Variants in ST6GALNAC3 observed in about 807,000 individuals in gnomAD.
ST6GALNAC3 encodes the protein ST6 N-acetylgalactosaminide alpha-2,6-sialyltransferase 3.
ST6GALNAC3 carries 25 observed loss-of-function variants against 32.7 expected under a neutral mutation model. The ratio of observed to expected loss-of-function variants is 0.76; its 90% CI spans 0.56 to 1.07. The LOEUF is 1.07. ST6GALNAC3 is among the 50% of genes least tolerant of loss of function. ST6GALNAC3 has a pLI of 0.00. For synonymous variants in ST6GALNAC3, 129 were observed against 133.1 expected (o/e 0.97, Z 0.21); for missense variants, 355 against 382.4 (o/e 0.93, Z 0.60).
chr1:76,245,352 A>C (rs867772563), intron 1 of ST6GALNAC3, among the ~76,000 whole-genome samples: 1 of 151,784 alleles, frequency 6.6e-6, no homozygotes, highest in African/African-American at 2.4e-5. Context: ...CTAGTGGTCT[A>C]TTTTTGTTAA....
At chr1:76,504,487 A>G (rs1661355648) in intron 3 of ST6GALNAC3, among the ~76,000 whole-genome samples, 1 of 152,158 alleles carries the variant, frequency 6.6e-6, no homozygotes, top group Non-Finnish European at 1.5e-5. Flanking sequence ...TTGAATAAGT[A>G]TCTGGGGAAT....
chr1:76,327,788 C>A (rs924819110), intron 2 of ST6GALNAC3, among the ~76,000 whole-genome samples: 5 of 151,986 alleles, frequency 3.3e-5, no homozygotes, highest in African/African-American at 9.7e-5. Flanking sequence ...CAGGGTTTCA[C>A]CATGTTGGCC....
At chr1:76,610,354 G>A (rs191485258) in intron 3 of ST6GALNAC3, among the ~76,000 whole-genome samples, 14 of 152,174 alleles carry the variant, frequency 9.2e-5, no homozygotes, top group South Asian at 4.1e-4. Context: ...AACGGTTGAC[G>A]GTTCAGACAG....
At chr1:76,131,933 G>C (rs904954723) in intron 1 of ST6GALNAC3, among the ~76,000 whole-genome samples, 15 of 152,056 alleles carry the variant, frequency 9.9e-5, no homozygotes, top group Non-Finnish European at 1.5e-4. Flanking sequence ...TGATGCAAGG[G>C]GTACCATGAT....
chr1:76,223,245 A>G (rs1430685804), intron 1 of ST6GALNAC3, among the ~76,000 whole-genome samples: 1 of 152,200 alleles, frequency 6.6e-6, no homozygotes, highest in Non-Finnish European at 1.5e-5. Context: ...TTGCAGCAAC[A>G]TGGATGGATC....
intron 3 of ST6GALNAC3, among the ~76,000 whole-genome samples, chr1:76,434,784 G>GTTTTTTTTTTTT (rs1211703628): frequency 1.1e-4 from 8 of 72,212 alleles, no homozygotes; most frequent in Admixed American, 1.9e-4. Flanking sequence ...TTTTTTCTCT[G>GTTTTTTTTTTTT]TTTTTTTTTT....
chr1:76,439,118 G>T (rs1023117726), intron 3 of ST6GALNAC3, among the ~76,000 whole-genome samples: 1 of 152,196 alleles, frequency 6.6e-6, no homozygotes, highest in East Asian at 1.9e-4. Context: ...ATGTTGAGAT[G>T]CTGTCTTTGA....
rs75882068 is a variant in ST6GALNAC3 at position 76,472,695 on chromosome 1, A to G, written c.623+60278A>G. Reference sequence around the variant, plus strand: ...ATGAGTAGTAAATGAGTTCACGTGGATAAGATGCTTAGAACAATGCCAGTT... The same window carrying G: ...ATGAGTAGTAAATGAGTTCACGTGGGTAAGATGCTTAGAACAATGCCAGTT... On this transcript the variant is annotated intron_variant, in intron 3 of 4. Transcript: ENST00000328299. Among the ~76,000 whole-genome samples, 77 of 152,282 alleles carry G rather than the reference A, an allele frequency of 5.1e-4. No homozygotes were observed. In the East Asian group the frequency reaches 0.013, roughly 26 times the overall value.
At chr1:76,257,507 G>T (rs926294043) in intron 1 of ST6GALNAC3, among the ~76,000 whole-genome samples, 1 of 152,108 alleles carries the variant, frequency 6.6e-6, no homozygotes, top group South Asian at 2.1e-4. Flanking sequence ...TCATGGTCGG[G>T]TTTGAAAAGC....
intron 3 of ST6GALNAC3, among the ~76,000 whole-genome samples, chr1:76,515,616 A>C (rs1473456808): frequency 6.6e-6 from 1 of 152,054 alleles, no homozygotes; most frequent in Non-Finnish European, 1.5e-5. Flanking sequence ...ATGTGTTTCC[A>C]TTCTCATTTG....
chr1:76,530,255 C>T (rs1663171525), intron 3 of ST6GALNAC3, among the ~76,000 whole-genome samples: 4 of 152,182 alleles, frequency 2.6e-5, no homozygotes, highest in Admixed American at 2.6e-4. Flanking sequence ...ATCCCAGGTA[C>T]AGGGGCGGAC....
intron 1 of ST6GALNAC3, among the ~76,000 whole-genome samples, chr1:76,110,712 C>T (rs1211723240): frequency 3.3e-5 from 5 of 152,226 alleles, no homozygotes; most frequent in African/African-American, 1.2e-4. Flanking sequence ...GCTGCCTCCT[C>T]ATGGTCTTTG....
chr1:76,462,875 G>T (rs930199917), intron 3 of ST6GALNAC3, among the ~76,000 whole-genome samples: 2 of 152,082 alleles, frequency 1.3e-5, no homozygotes, highest in African/African-American at 4.8e-5. Flanking sequence ...TTAAAAAATT[G>T]TACATTGTGA....
chr1:76,320,790 A>G (rs959106028), intron 2 of ST6GALNAC3, among the ~76,000 whole-genome samples: 5 of 152,144 alleles, frequency 3.3e-5, no homozygotes, highest in Non-Finnish European at 4.4e-5. Context: ...ATATACAAGT[A>G]TATGGAAAAT....
At chr1:76,495,031 A>C (rs1660767704) in intron 3 of ST6GALNAC3, among the ~76,000 whole-genome samples, 1 of 152,106 alleles carries the variant, frequency 6.6e-6, no homozygotes, top group African/African-American at 2.4e-5. Flanking sequence ...TTTTTGTTCT[A>C]TTCAGATCTT....
At chr1:76,414,043 A>G (rs1331076941) in intron 3 of ST6GALNAC3, among the ~76,000 whole-genome samples, 2 of 151,992 alleles carry the variant, frequency 1.3e-5, no homozygotes, top group Non-Finnish European at 2.9e-5. Context: ...TTATGTGTTT[A>G]TTTCACATTG....
intron 1 of ST6GALNAC3, among the ~76,000 whole-genome samples, chr1:76,111,953 G>A (rs1367984869): frequency 2.0e-5 from 3 of 152,058 alleles, no homozygotes; most frequent in Non-Finnish European, 4.4e-5. Flanking sequence ...GAGCTGTTGA[G>A]TACACCTCCC....
chr1:76,500,424 C>CT (rs1258501425), intron 3 of ST6GALNAC3, among the ~76,000 whole-genome samples: 1 of 152,108 alleles, frequency 6.6e-6, no homozygotes, highest in Non-Finnish European at 1.5e-5. Context: ...ATCAGTAAAA[C>CT]TGTTTTATTA....
intron 3 of ST6GALNAC3, among the ~76,000 whole-genome samples, chr1:76,448,501 G>A (rs1657148716): frequency 6.6e-6 from 1 of 152,146 alleles, no homozygotes; most frequent in Admixed American, 6.5e-5. Flanking sequence ...GGGGCCAGAG[G>A]TGAAATGATG....
Sources: gnomAD v4.1 joint callset for allele counts (sites outside exome capture counted in the v4.1 genomes callset) on GRCh38, gnomAD v4.1.1 for gene constraint, MANE v1.5 for transcripts, NCBI Gene and HGNC (gene_info 2026-07-23, HGNC 2026-07-21) for gene names.